CPNE8: variants seen among roughly 807,000 people sequenced by gnomAD.
CPNE8 encodes the protein copine 8.
A neutral mutation model predicts 81.5 loss-of-function variants in CPNE8; 45 were observed. The ratio of observed to expected loss-of-function variants is 0.55; its 90% CI spans 0.44 to 0.71. CPNE8 has a LOEUF of 0.71. Ranked by LOEUF, CPNE8 falls within the 30% of genes least tolerant of loss-of-function variation. CPNE8 has a pLI of 0.00. For synonymous variants in CPNE8, 252 were observed against 226.3 expected (o/e 1.11, Z -1.02); for missense variants, 594 against 672.1 (o/e 0.88, Z 1.28).
At chr12:38,671,341 G>A (rs919017045) in intron 18 of CPNE8, among the ~76,000 whole-genome samples, 2 of 151,948 alleles carry the variant, frequency 1.3e-5, no homozygotes, top group Admixed American at 6.6e-5. Flanking sequence ...TTTAACAACA[G>A]AGGCATTTTC....
At chr12:38,842,906 A>G (rs1044437192) in intron 4 of CPNE8, among the ~76,000 whole-genome samples, 13 of 151,664 alleles carry the variant, frequency 8.6e-5, no homozygotes, top group Non-Finnish European at 1.8e-4. Context: ...TTTTAACACA[A>G]TTTTTCTTCT....
At chr12:38,690,822 C>T (rs186749643) in intron 15 of CPNE8, among the ~76,000 whole-genome samples, 1 of 152,118 alleles carries the variant, frequency 6.6e-6, no homozygotes, top group Admixed American at 6.5e-5. Context: ...TTTCCTGAGG[C>T]ACTTCAGACT....
At chr12:38,896,792 C>G (rs532268194) in intron 1 of CPNE8, among the ~76,000 whole-genome samples, 1 of 152,196 alleles carries the variant, frequency 6.6e-6, no homozygotes, top group South Asian at 2.1e-4. Flanking sequence ...GGATAACATG[C>G]AGCTTTATCA....
chr12:38,817,201 G>A (rs1943040297), intron 6 of CPNE8, among the ~76,000 whole-genome samples: 2 of 152,104 alleles, frequency 1.3e-5, no homozygotes, highest in African/African-American at 2.4e-5. Context: ...GACCAGGTAC[G>A]ATGACAACAC....
chr12:38,872,109 T>A, intron 3 of CPNE8, among the ~76,000 whole-genome samples: 1 of 152,078 alleles, frequency 6.6e-6, no homozygotes, highest in East Asian at 1.9e-4. Flanking sequence ...CACTCCAGCC[T>A]GAGCAATAAG....
At chr12:38,851,919 T>C (rs933290456) in intron 3 of CPNE8, among the ~76,000 whole-genome samples, 5 of 152,156 alleles carry the variant, frequency 3.3e-5, no homozygotes, top group Admixed American at 2.6e-4. Flanking sequence ...AACCCTTTCT[T>C]ACCTCATGGC....
chr12:38,731,238 A>G (rs1028453744), intron 10 of CPNE8, among the ~76,000 whole-genome samples: 2 of 151,912 alleles, frequency 1.3e-5, no homozygotes, highest in African/African-American at 4.8e-5. Context: ...TATAACAAAC[A>G]TAAGGGATGT....
chr12:38,713,787 T>C (rs1426722289), intron 13 of CPNE8, among the ~76,000 whole-genome samples: 1 of 152,072 alleles, frequency 6.6e-6, no homozygotes, highest in Non-Finnish European at 1.5e-5. Context: ...GGGAAATTAG[T>C]ATAAGCTCAC....
intron 3 of CPNE8, among the ~76,000 whole-genome samples, chr12:38,870,433 A>G (rs1254056024): frequency 2.6e-5 from 4 of 152,222 alleles, no homozygotes. Flanking sequence ...AAAATGTGGC[A>G]CATACACACC....
At chr12:38,764,485 CG>C (rs1941638922) in intron 8 of CPNE8, among the ~76,000 whole-genome samples, 2 of 149,320 alleles carry the variant, frequency 1.3e-5, no homozygotes, top group South Asian at 4.3e-4. Context: ...GGCGTAGTGG[CG>C]GGCGCCTGTA....
intron 1 of CPNE8, among the ~76,000 whole-genome samples, chr12:38,886,705 G>A (rs1012712939): frequency 6.6e-6 from 1 of 152,124 alleles, no homozygotes; most frequent in African/African-American, 2.4e-5. Context: ...AGGGGCCAAA[G>A]AGCCTCCTGG....
rs146118050 is a variant in CPNE8 at position 38,786,995 on chromosome 12, A to G, written c.408-10694T>C. On this transcript the variant is annotated intron_variant, in intron 6 of 19. Coordinates refer to ENST00000331366, the MANE Select transcript of CPNE8 (RefSeq NM_153634.3). ...GAGATAAAGAGAGAAACAGATCCCA[A>G]TACAATAATAGCTGAAGACTTGAAC... is the stretch of plus-strand genomic sequence containing the variant. Among the ~76,000 whole-genome samples the G allele has an allele frequency of 5.9e-3, 898 of 152,296 alleles. 5 individuals carry two copies. The highest frequency in any genetic ancestry group is 0.01 in the Middle Eastern group (3 of 294).
At chr12:38,750,276 G>T (rs1168827607) in intron 10 of CPNE8, among the ~76,000 whole-genome samples, 1 of 152,190 alleles carries the variant, frequency 6.6e-6, no homozygotes, top group Non-Finnish European at 1.5e-5. Context: ...GAAGTTTGCT[G>T]CAGGGGCGGG....
intron 18 of CPNE8, among the ~76,000 whole-genome samples, chr12:38,673,768 G>A (rs1030651806): frequency 2.0e-5 from 3 of 151,724 alleles, no homozygotes; most frequent in African/African-American, 7.3e-5. Context: ...CATGGAAAGA[G>A]GAATAGGATT....
chr12:38,856,198 T>C (rs965243733), intron 3 of CPNE8, among the ~76,000 whole-genome samples: 3 of 151,996 alleles, frequency 2.0e-5, no homozygotes, highest in Non-Finnish European at 2.9e-5. Context: ...ATTGAAGCAG[T>C]AATCAACAAC....
intron 10 of CPNE8, among the ~76,000 whole-genome samples, chr12:38,744,753 T>C (rs1351793427): frequency 7.5e-5 from 1 of 13,316 alleles, no homozygotes; most frequent in African/African-American, 1.1e-4. Flanking sequence ...TATGCATGCC[T>C]ATCAGGATTT....
chr12:38,852,297 C>G (rs1316236310), intron 3 of CPNE8, among the ~76,000 whole-genome samples: 1 of 151,706 alleles, frequency 6.6e-6, no homozygotes, highest in Non-Finnish European at 1.5e-5. Flanking sequence ...GGCGTGGTGG[C>G]AGGCGCCTGT....
chr12:38,666,274 G>A (rs1228383485), intron 19 of CPNE8, among the ~76,000 whole-genome samples: 1 of 152,094 alleles, frequency 6.6e-6, no homozygotes, highest in Non-Finnish European at 1.5e-5. Flanking sequence ...AGGACAGTGT[G>A]TTATAATAGG....
At chr12:38,847,595 C>T (rs150011578) in intron 4 of CPNE8, among the ~76,000 whole-genome samples, 10 of 152,032 alleles carry the variant, frequency 6.6e-5, no homozygotes, top group East Asian at 1.9e-4. Flanking sequence ...ATAAATATGA[C>T]GAATACTCAA....
Sources: allele counts gnomAD v4.1 joint callset (sites outside exome capture counted in the v4.1 genomes callset), GRCh38; gene constraint gnomAD v4.1.1; transcripts MANE v1.5; gene names NCBI Gene and HGNC (gene_info 2026-07-23, HGNC 2026-07-21).